ROBO2: variants seen among roughly 807,000 people sequenced by gnomAD.
The protein encoded by ROBO2 is roundabout homolog 2.
ROBO2 carries 53 observed loss-of-function variants against 160.8 expected under a neutral mutation model. The observed-to-expected ratio is 0.33, with a 90% CI of 0.26 to 0.41. The LOEUF (loss-of-function observed/expected upper bound fraction) is 0.41, where lower values mean the gene tolerates loss of function less well. Ranked by LOEUF, ROBO2 falls within the 10% of genes least tolerant of loss-of-function variation. The pLI is 1.00. For synonymous variants in ROBO2, 664 were observed against 611.7 expected, an observed-to-expected ratio of 1.09 and a Z score of -1.26; for missense variants, 1,577 against 1,722.4, an observed-to-expected ratio of 0.92 and a Z score of 1.49.
intron 2 of ROBO2, among the ~76,000 whole-genome samples, chr3:76,205,940 G>A (rs1315624993): frequency 6.6e-6 from 1 of 152,116 alleles, no homozygotes; most frequent in Non-Finnish European, 1.5e-5. Flanking sequence ...AACTCGAACT[G>A]TTCAACTTTT....
chr3:76,443,131 G>T (rs889351697), intron 2 of ROBO2, among the ~76,000 whole-genome samples: 1 of 151,890 alleles, frequency 6.6e-6, no homozygotes, highest in African/African-American at 2.4e-5. Flanking sequence ...AAGAAGGGGT[G>T]GGGGAGGTGC....
At chr3:75,989,435 C>T (rs1234045940) in intron 2 of ROBO2, among the ~76,000 whole-genome samples, 1 of 152,090 alleles carries the variant, frequency 6.6e-6, no homozygotes, top group African/African-American at 2.4e-5. Flanking sequence ...TAAAGGGGCT[C>T]TATGTTTTAG....
rs965288232 is a variant in ROBO2, at chr3:77,616,040, G to T, written c.3294-1473G>T. 5.9e-5 allele frequency among the ~76,000 whole-genome samples: 9 copies of T among 152,080 alleles called. 1 individual carries two copies. Among genetic ancestry groups the T allele is most frequent in the African/African-American group, 2.2e-4 (9 of 41,410 alleles). On this transcript the variant is annotated intron_variant, in intron 21 of 25. Coordinates refer to ENST00000461745, the Ensembl canonical transcript of ROBO2. Reference sequence around the variant, plus strand: ...AGAATGACAGCTTTCTTGAATTTAAGAATCTCACAAAATAGTGGGAGAAAA... The same window carrying T: ...AGAATGACAGCTTTCTTGAATTTAATAATCTCACAAAATAGTGGGAGAAAA...
intron 2 of ROBO2, among the ~76,000 whole-genome samples, chr3:76,803,796 G>T (rs148320051): frequency 6.6e-6 from 1 of 152,132 alleles, no homozygotes; most frequent in Admixed American, 6.6e-5. Flanking sequence ...CAACTTCCAG[G>T]AAATGTTAGG....
At chr3:76,696,872 A>T (rs751825224) in intron 2 of ROBO2, among the ~76,000 whole-genome samples, 1 of 152,168 alleles carries the variant, frequency 6.6e-6, no homozygotes, top group Non-Finnish European at 1.5e-5. Context: ...GTTTGTCTAC[A>T]GGGCTGCTCC....
Position 76,171,748 on chromosome 3 carries a change from G to T in ROBO2, c.109+234146G>T, listed in dbSNP as rs559566100. ...GGTCCTGTTGTGCAAAAAGAATGAG[G>T]GTGGGGAGAAAATTATTATTTCTCT... On this transcript the variant is annotated intron_variant, in intron 2 of 26. Coordinates refer to the ROBO2 transcript ENST00000487694. Among the ~76,000 whole-genome samples the T allele has an allele frequency of 1.9e-4, 29 of 152,122 alleles. No individual in the cohort carries two copies. The South Asian group carries it at 5.8e-3, about 31-fold the overall frequency.
chr3:77,210,636 G>A (rs947469854), intron 2 of ROBO2, among the ~76,000 whole-genome samples: 14 of 152,030 alleles, frequency 9.2e-5, no homozygotes, highest in Non-Finnish European at 1.9e-4. Context: ...TGTGCACAAC[G>A]TGCAGGTTTG....
chr3:76,003,999 C>CT (rs1214543628), intron 2 of ROBO2, among the ~76,000 whole-genome samples: 1 of 152,108 alleles, frequency 6.6e-6, no homozygotes, highest in Admixed American at 6.5e-5. Context: ...AGGGAAGTTT[C>CT]TTTTAAATTT....
chr3:77,557,236 T>C (rs528172307), intron 8 of ROBO2, among the ~76,000 whole-genome samples: 45 of 152,118 alleles, frequency 3.0e-4, no homozygotes, highest in Middle Eastern at 3.4e-3. Context: ...TTGATATACA[T>C]GTAAACACTG....
chr3:76,824,537 A>G (rs996885309), intron 2 of ROBO2, among the ~76,000 whole-genome samples: 7 of 152,052 alleles, frequency 4.6e-5, no homozygotes, highest in Admixed American at 3.9e-4. Context: ...GCTACCCCAT[A>G]TCTTTCTTTC....
At chr3:76,659,521 G>A (rs552852694) in intron 2 of ROBO2, among the ~76,000 whole-genome samples, 1 of 152,058 alleles carries the variant, frequency 6.6e-6, no homozygotes, top group South Asian at 2.1e-4. Flanking sequence ...GGCTCACCCT[G>A]TACTATAATT....
intron 2 of ROBO2, among the ~76,000 whole-genome samples, chr3:76,781,842 G>T (rs1442448920): frequency 6.6e-6 from 1 of 150,694 alleles, no homozygotes; most frequent in East Asian, 2.0e-4. Flanking sequence ...TAATGTTCTT[G>T]CCCGGCTTTG....
chr3:76,196,507 A>G (rs926671391), intron 2 of ROBO2, among the ~76,000 whole-genome samples: 2 of 152,098 alleles, frequency 1.3e-5, no homozygotes, highest in African/African-American at 4.8e-5. Context: ...TCCACATCTC[A>G]AAGGGTTAGT....
chr3:75,945,016 T>C (rs960746884), intron 2 of ROBO2, among the ~76,000 whole-genome samples: 1 of 152,146 alleles, frequency 6.6e-6, no homozygotes, highest in African/African-American at 2.4e-5. Flanking sequence ...CAAACTGCAC[T>C]ATAATGCTGG....
chr3:77,208,769 G>GAAGA (rs2083739291), intron 2 of ROBO2, among the ~76,000 whole-genome samples: 1 of 152,128 alleles, frequency 6.6e-6, no homozygotes, highest in Admixed American at 6.6e-5. Flanking sequence ...TTCTTGAGGA[G>GAAGA]AAGAAAGAAA....
chr3:77,188,436 T>C (rs2081486495), intron 2 of ROBO2, among the ~76,000 whole-genome samples: 1 of 151,850 alleles, frequency 6.6e-6, no homozygotes, highest in African/African-American at 2.4e-5. Context: ...CACCTGCTTC[T>C]CATCAGTGCC....
Position 77,108,207 on chromosome 3 carries a change from T to TATATATATGTATACACATATGC in ROBO2, c.388+9920_388+9941dup, listed in dbSNP as rs1560025558. On this transcript the variant is annotated intron_variant, in intron 2 of 25. Coordinates refer to ENST00000461745, the Ensembl canonical transcript of ROBO2. Reference sequence around the variant, plus strand: ...GCATATATATGTATACACATATGCATATATATATGTATACACATATGCATA... The same window carrying TATATATATGTATACACATATGC: ...GCATATATATGTATACACATATGCATATATATATGTATACACATATGCATATATATGTATACACATATGCATA... 8.3e-4 allele frequency among the ~76,000 whole-genome samples: 99 copies of TATATATATGTATACACATATGC among 119,032 alleles called. 1 individual carries two copies. The highest frequency in any genetic ancestry group is 2.3e-3 in the African/African-American group (67 of 28,712). The allele number at this position is 119,032 out of a possible 152,430, so 78.1% of individuals were successfully genotyped here.
chr3:77,316,310 A>G (rs979023045), intron 2 of ROBO2, among the ~76,000 whole-genome samples: 1 of 151,658 alleles, frequency 6.6e-6, no homozygotes, highest in Admixed American at 6.5e-5. Flanking sequence ...GGAACAGGTC[A>G]TGAAGATCTG....
At position 77,310,173 on chromosome 3, in the gene ROBO2, T is replaced by G. The variant is rs943756173; in HGVS notation, c.389-167241T>G. Among the ~76,000 whole-genome samples, 4 of 152,310 alleles carry G rather than the reference T, an allele frequency of 2.6e-5. No individual in the cohort carries two copies. The South Asian group carries it at 6.2e-4, about 24-fold the overall frequency. On this transcript the variant is annotated intron_variant, in intron 2 of 25. Transcript: ENST00000461745. ...AATGGATCACGTATCAAATTTTATG[T>G]ACACATAAACTCAAATTAAGAGCCC... is the stretch of plus-strand genomic sequence containing the variant.
Sources: gnomAD v4.1 joint callset for allele counts (sites outside exome capture counted in the v4.1 genomes callset) on GRCh38, gnomAD v4.1.1 for gene constraint, MANE v1.5 for transcripts, NCBI Gene and HGNC (gene_info 2026-07-23, HGNC 2026-07-21) for gene names.